Variants in RAB21 observed in about 807,000 individuals in gnomAD.
RAB21 encodes the protein ras-related protein Rab-21.
RAB21 carries 13 observed loss-of-function variants against 33.1 expected under a neutral mutation model. That is an observed-to-expected ratio of 0.39 (90% confidence interval 0.26 to 0.62). The LOEUF is 0.62. Ranked by LOEUF, RAB21 falls within the 20% of genes least tolerant of loss-of-function variation. The pLI, the probability that RAB21 is intolerant of heterozygous loss-of-function variation, is 0.48. For synonymous variants in RAB21, 91 were observed against 103.7 expected (o/e 0.88, Z 0.74); for missense variants, 234 against 279.1 (o/e 0.84, Z 1.15).
chr12:71,759,839 C>A (rs116787684), intron 1 of RAB21, among the ~76,000 whole-genome samples: 2,418 of 152,288 alleles, frequency 0.016, 58 homozygotes, highest in African/African-American at 0.055. Flanking sequence ...GGTTTGAATT[C>A]TTACTCCCAC....
Position 71,793,289 on chromosome 12 carries a change from CATA to C in RAB21, c.*7617_*7619del, listed in dbSNP as rs2137666532. The C allele has an allele frequency of 6.6e-6, 1 of 152,232 alleles. No individual in the cohort carries two copies. The highest frequency in any genetic ancestry group is 2.1e-4 in the South Asian group (1 of 4,822). The allele number at this position is 152,232 out of a possible 1,614,324, so 9.4% of individuals were successfully genotyped here. On this transcript the variant is annotated 3_prime_UTR_variant, in exon 7 of 7. Coordinates refer to ENST00000261263, the MANE Select transcript of RAB21 (RefSeq NM_014999.4). ...GCCAGAACACAATCCATTCCTGAGT[CATA>C]GTAGGATAGTTTGTGTAATTCTAAA...
intron 4 of RAB21, among the ~76,000 whole-genome samples, chr12:71,777,494 T>C (rs868449581): frequency 1.8e-4 from 28 of 152,380 alleles, no homozygotes; most frequent in African/African-American, 6.5e-4. Flanking sequence ...TTCTCTGTTG[T>C]AGTAGTTCAG....
rs936525718 is a variant in RAB21 at position 71,788,863 on chromosome 12, A to C, written c.*3190A>C. On this transcript the variant is annotated 3_prime_UTR_variant, in exon 7 of 7. Coordinates refer to ENST00000261263, the MANE Select transcript of RAB21 (RefSeq NM_014999.4). ...ATTGTTTTTGAAAATGTATATTGCC[A>C]TGCTTTTGGGGTAAGCAGTAATGTG... is the stretch of plus-strand genomic sequence containing the variant. 6.6e-6 allele frequency: 1 copy of C among 152,118 alleles called. No individual in the cohort carries two copies. The highest frequency in any genetic ancestry group is 1.5e-5 in the Non-Finnish European group (1 of 67,984). The allele number at this position is 152,118 out of a possible 1,614,324, so 9.4% of individuals were successfully genotyped here. A position where few individuals can be genotyped will look rare whatever the true frequency, so the allele number is the denominator to read the frequency against.
chr12:71,782,287 C>T (rs1883213319), intron 5 of RAB21: 4 of 566,862 alleles, frequency 7.1e-6, no homozygotes, highest in Non-Finnish European at 1.2e-5. Flanking sequence ...GTGAAAAATA[C>T]GAGTGATATA....
rs143661810 is a variant in RAB21 at position 71,792,494 on chromosome 12, T to C, written c.*6821T>C. The C allele has an allele frequency of 6.6e-6, 1 of 152,342 alleles. No homozygotes were observed. The highest frequency in any genetic ancestry group is 2.4e-5 in the African/African-American group (1 of 41,586). 9.4% of individuals were successfully genotyped at this position (152,342 alleles called of 1,614,324 possible). A position where few individuals can be genotyped will look rare whatever the true frequency, so the allele number is the denominator to read the frequency against. ...TCTCTGCACTGTCAAGACTATAGCT[T>C]AGCATATGTGTGCTATGACACAAGG... On this transcript the variant is annotated 3_prime_UTR_variant, in exon 7 of 7. Coordinates refer to ENST00000261263, the MANE Select transcript of RAB21 (RefSeq NM_014999.4).
Position 71,755,155 on chromosome 12 carries a change from GCGGGGC to G in RAB21, c.27_32del (p.Gly10_Ala11del), listed in dbSNP as rs1203055875. The G allele has an allele frequency of 6.2e-6, 8 of 1,300,698 alleles. No individual in the cohort carries two copies. Among genetic ancestry groups the G allele is most frequent in the South Asian group, 5.3e-5 (2 of 37,622 alleles). 80.6% of individuals were successfully genotyped at this position (1,300,698 alleles called of 1,614,324 possible). On this transcript the variant is annotated inframe_deletion, in exon 1 of 7. Coordinates refer to ENST00000261263, the MANE Select transcript of RAB21 (RefSeq NM_014999.4). Reference sequence around the variant, plus strand: ...ATGGCTGCGGCCGGCGGCGGCGGCGGCGGGGCGGCGGCGGCGGGCCGAGCCTACTCG... The same window carrying G: ...ATGGCTGCGGCCGGCGGCGGCGGCGGGGCGGCGGCGGGCCGAGCCTACTCG...
chr12:71,784,894 C>A (rs1883260221), intron 6 of RAB21, among the ~76,000 whole-genome samples: 2 of 151,978 alleles, frequency 1.3e-5, no homozygotes, highest in African/African-American at 4.8e-5. Flanking sequence ...GAGTTTGAGA[C>A]CAGCCTGGGC....
In RAB21 at chr12:71,792,991, A is replaced by G. The variant is rs1223486657; in HGVS notation, c.*7318A>G. ...GGAAAGAATGTTTTTGAATTTTGCA[A>G]ATAATACATTTTCAAGCCAGATTAA... On this transcript the variant is annotated 3_prime_UTR_variant, in exon 7 of 7. Coordinates refer to ENST00000261263, the MANE Select transcript of RAB21 (RefSeq NM_014999.4). 1 of 152,330 alleles carries G rather than the reference A, an allele frequency of 6.6e-6. No homozygotes were observed. The highest frequency in any genetic ancestry group is 1.9e-4 in the East Asian group (1 of 5,190). The allele number at this position is 152,330 out of a possible 1,614,324, so 9.4% of individuals were successfully genotyped here.
intron 3 of RAB21, among the ~76,000 whole-genome samples, chr12:71,773,516 TTTCTTTG>T (rs1883073971): frequency 6.6e-6 from 1 of 152,246 alleles, no homozygotes; most frequent in Admixed American, 6.5e-5. Flanking sequence ...TACATTTTTT[TTTCTTTG>T]TCTTTAAGTG....
Position 71,785,491 on chromosome 12 carries a change from T to C in RAB21, c.536-40T>C, listed in dbSNP as rs1883270740. The C allele has an allele frequency of 2.5e-6, 4 of 1,603,394 alleles. No individual in the cohort carries two copies. The Admixed American group carries it at 5.1e-5, about 20-fold the overall frequency. ...AAATTTTAGAAAGAGAAAACACAAA[T>C]ATTGTGGTCCTAATAATGTTTGCTT... is the stretch of plus-strand genomic sequence containing the variant. On this transcript the variant is annotated intron_variant, in intron 6 of 6. Transcript: ENST00000261263.
Position 71,763,310 on chromosome 12 carries a change from C to T in RAB21, c.160-6490C>T, listed in dbSNP as rs528651562. On this transcript the variant is annotated intron_variant, in intron 1 of 6. Transcript: ENST00000261263. ...CTTTAGGTGGTTTGCTTTGACAGAA[C>T]GGTAGTTAGCAAGCACAGCAAATGG... Among the ~76,000 whole-genome samples the T allele has an allele frequency of 3.9e-5, 6 of 152,030 alleles. No homozygotes were observed. In the South Asian group the frequency reaches 1.0e-3, roughly 26 times the overall value.
In RAB21 at chr12:71,769,866, G is replaced by T; in HGVS notation, c.219+7G>T. ...AGTAAACCTTGCCATATGGGTAAGT[G>T]AACTTTTTCAACTATTATGCGTGGA... On this transcript the variant is annotated splice_region_variant and intron_variant, in intron 2 of 6. Transcript: ENST00000261263. The T allele has an allele frequency of 7.4e-7, 1 of 1,345,234 alleles. No homozygotes were observed. Among genetic ancestry groups the T allele is most frequent in the Non-Finnish European group, 9.8e-7 (1 of 1,020,736 alleles). The allele number at this position is 1,345,234 out of a possible 1,614,324, so 83.3% of individuals were successfully genotyped here. A position where few individuals can be genotyped will look rare whatever the true frequency, so the allele number is the denominator to read the frequency against.
Position 71,755,123 on chromosome 12 carries a change from C to T in RAB21, c.-7C>T. On this transcript the variant is annotated 5_prime_UTR_variant, in exon 1 of 7. Coordinates refer to ENST00000261263, the MANE Select transcript of RAB21 (RefSeq NM_014999.4). ...CACTCGGGCTCGGGCGGCCGGGAAG[C>T]GACGGGATGGCTGCGGCCGGCGGCG... 2.5e-6 allele frequency: 3 copies of T among 1,195,674 alleles called. No homozygotes were observed. Among genetic ancestry groups the T allele is most frequent in the Non-Finnish European group, 2.1e-6 (2 of 966,970 alleles). 74.1% of individuals were successfully genotyped at this position (1,195,674 alleles called of 1,614,324 possible). A position where few individuals can be genotyped will look rare whatever the true frequency, so the allele number is the denominator to read the frequency against.
At chr12:71,774,776 ATAATT>A (rs1181321554) in intron 4 of RAB21, among the ~76,000 whole-genome samples, 8 of 150,792 alleles carry the variant, frequency 5.3e-5, no homozygotes, top group Admixed American at 4.0e-4. Context: ...AAAAAAAAGA[ATAATT>A]TAGGATTTAG....
rs1201266028 is a variant in RAB21, at chr12:71,787,096, C to T, written c.*1423C>T. On this transcript the variant is annotated 3_prime_UTR_variant, in exon 7 of 7. Transcript: ENST00000261263. ...GTGAGCAAGTTCTATTTGTTCATTGCTTGCCAGAGATGAACACAGAATGTT... is the reference window on the plus strand; with the variant it reads ...GTGAGCAAGTTCTATTTGTTCATTGTTTGCCAGAGATGAACACAGAATGTT... 4 of 152,176 alleles carry T rather than the reference C, an allele frequency of 2.6e-5. No homozygotes were observed. The highest frequency in any genetic ancestry group is 6.5e-5 in the Admixed American group (1 of 15,282). The allele number at this position is 152,176 out of a possible 1,614,324, so 9.4% of individuals were successfully genotyped here.
intron 1 of RAB21, 31 bp from the exon 2 acceptor site, chr12:71,769,769 A>G: frequency 8.7e-7 from 1 of 1,153,028 alleles, no homozygotes; most frequent in Non-Finnish European, 1.2e-6. Context: ...TTTTATAAGA[A>G]ACATTGTTTA....
At position 71,787,669 on chromosome 12, in the gene RAB21, T is replaced by G. The variant is rs1278203104; in HGVS notation, c.*1996T>G. 2 of 152,232 alleles carry G rather than the reference T, an allele frequency of 1.3e-5. No individual in the cohort carries two copies. The highest frequency in any genetic ancestry group is 4.1e-4 in the South Asian group (2 of 4,838). 9.4% of individuals were successfully genotyped at this position (152,232 alleles called of 1,614,324 possible). A position where few individuals can be genotyped will look rare whatever the true frequency, so the allele number is the denominator to read the frequency against. ...GGAGGCATTCTGTGAGCCTTCACTT[T>G]ACCTTCTTTAATTATTGTCCTTGCT... On this transcript the variant is annotated 3_prime_UTR_variant, in exon 7 of 7. Coordinates refer to ENST00000261263, the MANE Select transcript of RAB21 (RefSeq NM_014999.4).
At chr12:71,757,083 AT>A (rs1882795916) in intron 1 of RAB21, among the ~76,000 whole-genome samples, 1 of 152,194 alleles carries the variant, frequency 6.6e-6, no homozygotes, top group Non-Finnish European at 1.5e-5. Flanking sequence ...AAGATCTAAG[AT>A]AAAAGAAAAC....
chr12:71,784,598 C>G (rs1418667511), intron 6 of RAB21, among the ~76,000 whole-genome samples: 1 of 151,888 alleles, frequency 6.6e-6, no homozygotes, highest in African/African-American at 2.4e-5. Flanking sequence ...ATAACCTTGG[C>G]AACCATGTCA....
Sources: allele counts gnomAD v4.1 joint callset (sites outside exome capture counted in the v4.1 genomes callset), GRCh38; gene constraint gnomAD v4.1.1; transcripts MANE v1.5; gene names NCBI Gene and HGNC (gene_info 2026-07-23, HGNC 2026-07-21).